Variants in MTA3 observed in about 807,000 individuals in gnomAD.
The protein encoded by MTA3 is metastasis-associated protein MTA3.
Under a neutral mutation model 83.5 loss-of-function variants are expected in MTA3, and 34 were observed. The observed-to-expected ratio is 0.41, with a 90% confidence interval of 0.31 to 0.54. The LOEUF (loss-of-function observed/expected upper bound fraction) is 0.54. MTA3 is among the 20% of genes least tolerant of loss of function. MTA3 has a pLI of 0.33. For synonymous variants in MTA3, 303 were observed against 252.7 expected, an observed-to-expected ratio of 1.20 and a Z score of -1.89; for missense variants, 761 against 726.4, an observed-to-expected ratio of 1.05 and a Z score of -0.55.
intron 16 of MTA3, among the ~76,000 whole-genome samples, chr2:42,738,718 T>C (rs1668787931): frequency 6.6e-6 from 1 of 152,226 alleles, no homozygotes; most frequent in East Asian, 1.9e-4. Flanking sequence ...GGAGAAATAT[T>C]GCTGAATTCT....
At chr2:42,611,020 C>T (rs1315647004) in intron 4 of MTA3, among the ~76,000 whole-genome samples, 12 of 139,956 alleles carry the variant, frequency 8.6e-5, no homozygotes, top group African/African-American at 3.0e-4. Context: ...CTTGCTCTGT[C>T]ACCCAGGCTG....
chr2:42,649,838 G>A (rs939218187), intron 6 of MTA3, among the ~76,000 whole-genome samples: 2 of 152,180 alleles, frequency 1.3e-5, no homozygotes, highest in Non-Finnish European at 2.9e-5. Flanking sequence ...TTTATTTGAA[G>A]CTGTAAAAAG....
At chr2:42,581,281 T>A (rs1188249695) in intron 3 of MTA3, among the ~76,000 whole-genome samples, 1 of 151,836 alleles carries the variant, frequency 6.6e-6, no homozygotes, top group Non-Finnish European at 1.5e-5. Context: ...ACCAGGCTGG[T>A]ATTGAACTCC....
At chr2:42,546,525 GA>G (rs1333951357) in intron 2 of MTA3, among the ~76,000 whole-genome samples, 1 of 151,958 alleles carries the variant, frequency 6.6e-6, no homozygotes, top group Non-Finnish European at 1.5e-5. Flanking sequence ...AAAAAGAACT[GA>G]AAAAAATTAC....
chr2:42,555,990 A>T (rs1386937845), intron 2 of MTA3, among the ~76,000 whole-genome samples: 1 of 151,674 alleles, frequency 6.6e-6, no homozygotes, highest in African/African-American at 2.4e-5. Flanking sequence ...GAGAATTGCT[A>T]GAACCCAGGA....
intron 5 of MTA3, among the ~76,000 whole-genome samples, chr2:42,643,187 T>TGG (rs1687861449): frequency 6.6e-6 from 1 of 152,012 alleles, no homozygotes; most frequent in African/African-American, 2.4e-5. Context: ...AGAACTCCCA[T>TGG]AGGAGAGATT....
intron 3 of MTA3, among the ~76,000 whole-genome samples, chr2:42,596,835 T>TG (rs1052896197): frequency 2.0e-5 from 3 of 152,226 alleles, no homozygotes; most frequent in African/African-American, 7.2e-5. Context: ...AATTTTTTTT[T>TG]TGCTGTCTGT....
intron 2 of MTA3, among the ~76,000 whole-genome samples, chr2:42,498,044 G>A (rs1279934588): frequency 6.6e-6 from 1 of 152,162 alleles, no homozygotes; most frequent in Non-Finnish European, 1.5e-5. Flanking sequence ...ATGTGTTCGA[G>A]GACTCCAAAC....
At chr2:42,607,064 A>AGGTAGG (rs879922184) in intron 3 of MTA3, among the ~76,000 whole-genome samples, 128 of 128,720 alleles carry the variant, frequency 9.9e-4, no homozygotes, top group Admixed American at 3.3e-3. Context: ...CCGGAGGTAG[A>AGGTAGG]GGTAGGGGTA....
chr2:42,747,310 A>G (rs1451488091), intron 16 of MTA3, among the ~76,000 whole-genome samples: 5 of 152,004 alleles, frequency 3.3e-5, no homozygotes, highest in Non-Finnish European at 7.4e-5. Flanking sequence ...CCCTGTTCAG[A>G]TTCTTCTTGA....
At chr2:42,702,640 C>T (rs1047101080) in intron 11 of MTA3, 1 of 152,214 alleles carries the variant, frequency 6.6e-6, no homozygotes, top group Non-Finnish European at 1.5e-5. Context: ...TGCTTATTTT[C>T]TGTTTAGCAA....
intron 1 of MTA3, 93 bp downstream of exon 1, chr2:42,568,866 G>T: frequency 8.5e-7 from 1 of 1,170,634 alleles, no homozygotes. Context: ...GGAGCCAAGG[G>T]CGCCGGGGCT....
intron 16 of MTA3, among the ~76,000 whole-genome samples, chr2:42,749,529 A>G (rs889986171): frequency 2.6e-5 from 4 of 152,064 alleles, no homozygotes; most frequent in East Asian, 1.9e-4. Flanking sequence ...GTGCAGTGGC[A>G]TGATCTCGGC....
chr2:42,705,089 G>A (rs577171351), intron 12 of MTA3, among the ~76,000 whole-genome samples: 1 of 152,290 alleles, frequency 6.6e-6, no homozygotes, highest in East Asian at 1.9e-4. Flanking sequence ...GAGAGTACAT[G>A]TAGCCTACTG....
intron 1 of MTA3, 123 bp downstream of exon 1, chr2:42,568,896 G>T: frequency 8.1e-6 from 8 of 992,218 alleles, no homozygotes; most frequent in Non-Finnish European, 1.0e-5. Flanking sequence ...GTGGGCTGGG[G>T]CGCCGGGGCC....
intron 16 of MTA3, among the ~76,000 whole-genome samples, chr2:42,727,537 A>G (rs1027843334): frequency 6.6e-6 from 1 of 152,208 alleles, no homozygotes; most frequent in African/African-American, 2.4e-5. Flanking sequence ...CATTACTGGA[A>G]AACATTTCCA....
At chr2:42,740,047 T>C (rs1249912170) in intron 16 of MTA3, among the ~76,000 whole-genome samples, 1 of 152,222 alleles carries the variant, frequency 6.6e-6, no homozygotes, top group Non-Finnish European at 1.5e-5. Flanking sequence ...CCTGTTAGTA[T>C]TGATATTTTG....
intron 2 of MTA3, among the ~76,000 whole-genome samples, chr2:42,552,271 G>T (rs888344529): frequency 1.3e-5 from 2 of 152,166 alleles, no homozygotes; most frequent in African/African-American, 2.4e-5. Flanking sequence ...AGAGATAAAG[G>T]CCACAGCCGA....
intron 4 of MTA3, among the ~76,000 whole-genome samples, chr2:42,616,463 T>C (rs1460751568): frequency 6.6e-6 from 1 of 151,238 alleles, no homozygotes; most frequent in Non-Finnish European, 1.5e-5. Context: ...CATTGTATCC[T>C]ACAGCCATTC....
Sources: gnomAD v4.1 joint callset for allele counts (sites outside exome capture counted in the v4.1 genomes callset) on GRCh38, gnomAD v4.1.1 for gene constraint, MANE v1.5 for transcripts, NCBI Gene and HGNC (gene_info 2026-07-23, HGNC 2026-07-21) for gene names.